Variants in CNTNAP2 observed in about 807,000 individuals in gnomAD.
CNTNAP2 encodes the protein contactin-associated protein-like 2.
A neutral mutation model predicts 155.2 loss-of-function variants in CNTNAP2; 98 were observed. The observed-to-expected ratio is 0.63, with a 90% CI of 0.54 to 0.75. The LOEUF is 0.75. Ranked by LOEUF, CNTNAP2 falls within the 30% of genes least tolerant of loss-of-function variation. The pLI is 0.00. For synonymous variants in CNTNAP2, 651 were observed against 631.2 expected (o/e 1.03, Z -0.47); for missense variants, 1,727 against 1,688.1 (o/e 1.02, Z -0.40).
intron 9 of CNTNAP2, among the ~76,000 whole-genome samples, chr7:147,345,682 GT>G (rs56992004): frequency 0.61 from 93,082 of 151,944 alleles, 29,016 homozygotes; most frequent in African/African-American, 0.72. Flanking sequence ...GTCAGTGATA[GT>G]TTTTTTCTGT....
At chr7:146,597,469 C>T (rs774604066) in intron 1 of CNTNAP2, among the ~76,000 whole-genome samples, 16 of 151,888 alleles carry the variant, frequency 1.1e-4, no homozygotes, top group Admixed American at 2.0e-4. Context: ...TATTTTGACA[C>T]GCACACACAT....
At chr7:146,994,241 G>A (rs1455987472) in intron 3 of CNTNAP2, among the ~76,000 whole-genome samples, 4 of 151,964 alleles carry the variant, frequency 2.6e-5, no homozygotes, top group African/African-American at 9.7e-5. Context: ...TGCATTTATT[G>A]CAGGCACAGA....
At chr7:146,975,259 G>A (rs1399287420) in intron 3 of CNTNAP2, among the ~76,000 whole-genome samples, 1 of 152,094 alleles carries the variant, frequency 6.6e-6, no homozygotes, top group Non-Finnish European at 1.5e-5. Context: ...GAAGTCAGGA[G>A]TTCGAGACCA....
chr7:147,046,423 A>G (rs1183162964), intron 4 of CNTNAP2, among the ~76,000 whole-genome samples: 1 of 152,234 alleles, frequency 6.6e-6, no homozygotes, highest in African/African-American at 2.4e-5. Flanking sequence ...TCTGAGAATT[A>G]TCTGTGCTGA....
intron 15 of CNTNAP2, among the ~76,000 whole-genome samples, chr7:148,086,233 G>T (rs1245947742): frequency 6.6e-6 from 1 of 152,098 alleles, no homozygotes; most frequent in Non-Finnish European, 1.5e-5. Context: ...GACCTCTTTT[G>T]CTTTTAGAAA....
At chr7:146,158,641 C>A (rs993944599) in intron 1 of CNTNAP2, among the ~76,000 whole-genome samples, 8 of 151,974 alleles carry the variant, frequency 5.3e-5, no homozygotes, top group Non-Finnish European at 1.0e-4. Flanking sequence ...GAAAGGGTAC[C>A]AGTGATTGAA....
chr7:147,071,436 A>G (rs1173244418), intron 4 of CNTNAP2, among the ~76,000 whole-genome samples: 6 of 151,922 alleles, frequency 3.9e-5, no homozygotes, highest in Non-Finnish European at 8.8e-5. Flanking sequence ...CTCTTGTACC[A>G]TTTATATTAG....
At chr7:146,789,509 G>A (rs1348877846) in intron 2 of CNTNAP2, among the ~76,000 whole-genome samples, 1 of 151,398 alleles carries the variant, frequency 6.6e-6, no homozygotes, top group Non-Finnish European at 1.5e-5. Context: ...TTTGTTAAAA[G>A]CATATCTTTT....
chr7:147,530,736 C>T (rs1799416600), intron 11 of CNTNAP2, among the ~76,000 whole-genome samples: 2 of 152,126 alleles, frequency 1.3e-5, no homozygotes, highest in South Asian at 4.1e-4. Flanking sequence ...TCCTCCAAAT[C>T]TCATGTCCTC....
rs1322270135 is a variant in CNTNAP2, at chr7:148,416,824, G to A, written c.*1208G>A. 6.6e-6 allele frequency: 1 copy of A among 152,632 alleles called. No homozygotes were observed. Among genetic ancestry groups the A allele is most frequent in the Non-Finnish European group, 1.5e-5 (1 of 68,044 alleles). 9.5% of individuals were successfully genotyped at this position (152,632 alleles called of 1,614,324 possible). A position where few individuals can be genotyped will look rare whatever the true frequency, so the allele number is the denominator to read the frequency against. ...CTAAGACGGACACATTTGAACCTCA[G>A]GTTCATCACAAACCTGGTACCTGTT... On this transcript the variant is annotated 3_prime_UTR_variant, in exon 24 of 24. Transcript: ENST00000361727.
chr7:147,558,986 T>C (rs2116780932), intron 11 of CNTNAP2, among the ~76,000 whole-genome samples: 1 of 152,328 alleles, frequency 6.6e-6, no homozygotes, highest in East Asian at 1.9e-4. Flanking sequence ...TCAGCCCACG[T>C]TGGCCTCCCA....
At chr7:146,987,159 T>A (rs1042001879) in intron 3 of CNTNAP2, among the ~76,000 whole-genome samples, 1 of 152,164 alleles carries the variant, frequency 6.6e-6, no homozygotes, top group Non-Finnish European at 1.5e-5. Context: ...ACATGCTACA[T>A]AGTTCTTTGA....
chr7:147,244,562 G>T (rs1440756332), intron 8 of CNTNAP2, among the ~76,000 whole-genome samples: 1 of 152,056 alleles, frequency 6.6e-6, no homozygotes, highest in Non-Finnish European at 1.5e-5. Flanking sequence ...ACCAGTTTAG[G>T]TCCTGATGAT....
At chr7:146,545,321 A>G (rs1798013506) in intron 1 of CNTNAP2, among the ~76,000 whole-genome samples, 1 of 151,976 alleles carries the variant, frequency 6.6e-6, no homozygotes, top group South Asian at 2.1e-4. Flanking sequence ...AACACAAAAA[A>G]ACAAAAACTG....
intron 3 of CNTNAP2, among the ~76,000 whole-genome samples, chr7:146,927,070 C>G (rs1205957789): frequency 2.0e-5 from 3 of 152,108 alleles, no homozygotes; most frequent in Non-Finnish European, 2.9e-5. Flanking sequence ...GATAAAGAAG[C>G]AATCTTGGCA....
At chr7:147,463,443 GC>G (rs1263704945) in intron 10 of CNTNAP2, among the ~76,000 whole-genome samples, 2 of 152,100 alleles carry the variant, frequency 1.3e-5, no homozygotes, top group African/African-American at 4.8e-5. Context: ...TATCTCACGT[GC>G]AGACCCAGGT....
intron 13 of CNTNAP2, among the ~76,000 whole-genome samples, chr7:147,806,425 C>G (rs1009145625): frequency 6.6e-6 from 1 of 152,110 alleles, no homozygotes; most frequent in African/African-American, 2.4e-5. Context: ...TTATGGAAAA[C>G]AGCATAAAGG....
chr7:146,761,284 TGGAA>T (rs369635102), intron 1 of CNTNAP2, among the ~76,000 whole-genome samples: 26,162 of 144,348 alleles, frequency 0.18, 2,495 homozygotes, highest in South Asian at 0.26. Context: ...TCATAATTGC[TGGAA>T]GGAAGGAAGG....
intron 10 of CNTNAP2, among the ~76,000 whole-genome samples, chr7:147,469,269 G>A (rs867746917): frequency 3.3e-5 from 5 of 152,122 alleles, no homozygotes; most frequent in African/African-American, 1.2e-4. Flanking sequence ...CTGTAATTCA[G>A]GAAAAACTCT....
Sources: gnomAD v4.1 joint callset for allele counts (sites outside exome capture counted in the v4.1 genomes callset) on GRCh38, gnomAD v4.1.1 for gene constraint, MANE v1.5 for transcripts, NCBI Gene and HGNC (gene_info 2026-07-23, HGNC 2026-07-21) for gene names.